Variants in ZNF592 observed in about 807,000 individuals in gnomAD.
The protein encoded by ZNF592 is zinc finger protein 592.
A neutral mutation model predicts 80.3 loss-of-function variants in ZNF592; 11 were observed. The ratio of observed to expected loss-of-function variants is 0.14; its 90% CI spans 0.09 to 0.23. The LOEUF is 0.23. Among genes scored for constraint, ZNF592 ranks in the 10% least tolerant of loss-of-function variants. ZNF592 has a pLI of 1.00. For missense variants in ZNF592, 1,420 were observed against 1,633.9 expected, an observed-to-expected ratio of 0.87 and a Z score of 2.26; for synonymous variants, 646 against 640.3, an observed-to-expected ratio of 1.01 and a Z score of -0.13.
chr15:84,761,663 C>T (rs1445948783), intron 1 of ZNF592, among the ~76,000 whole-genome samples: 1 of 152,188 alleles, frequency 6.6e-6, no homozygotes, highest in Non-Finnish European at 1.5e-5. Context: ...TCCCAGATGG[C>T]ACCTTCACCT....
Position 84,797,945 on chromosome 15 carries a change from T to C in ZNF592, c.2476T>C (p.Phe826Leu), listed in dbSNP as rs551480917. 7.4e-6 allele frequency: 12 copies of C among 1,614,212 alleles called. No homozygotes were observed. In the South Asian group the frequency reaches 1.3e-4, roughly 18 times the overall value. The change falls in exon 6 of 11, where the codon TTC becomes CTC. Residue 826 changes from phenylalanine to leucine, a missense_variant. This residue lies in a region of ZNF592 where 13 missense variants were observed against 42.3 expected (regional missense o/e 0.31). Transcript: ENST00000560079. Reference sequence around the variant, plus strand: ...CATCCAGGAGCGACACTGCCAGGTTTTCCACAAATGTGCATTCTGCCCCAT... The same window carrying C: ...CATCCAGGAGCGACACTGCCAGGTTCTCCACAAATGTGCATTCTGCCCCAT... Reference protein sequence around the residue: ...SHIQERHCQVFHKCAFCPMAF... With the variant: ...SHIQERHCQVLHKCAFCPMAF...
intron 4 of ZNF592, among the ~76,000 whole-genome samples, chr15:84,788,512 T>C (rs1216540362): frequency 3.3e-5 from 5 of 152,246 alleles, no homozygotes; most frequent in Admixed American, 1.3e-4. Context: ...GTTGATACCC[T>C]GACAATCTCA....
Position 84,798,869 on chromosome 15 carries a change from C to T in ZNF592, c.3018C>T (p.His1006=), listed in dbSNP as rs763002770. 11 of 1,598,086 alleles carry T rather than the reference C, an allele frequency of 6.9e-6. No individual in the cohort carries two copies. Among genetic ancestry groups the T allele is most frequent in the East Asian group, 4.5e-5 (2 of 44,860 alleles). ...ACGTGTCCCACATGAAAAAGAGCCA[C>T]GGTCGGGTAAGTGCAGCCACACAGT... ...ESYVSHMKKS[H]GRTLKRYPCR... Residue 1006 remains histidine (H), a synonymous_variant, in exon 8 of 11, where the codon CAC becomes CAT. Coordinates refer to ENST00000560079, the MANE Select transcript of ZNF592 (RefSeq NM_014630.3). The surrounding 1 kb of genome is among the most constrained non-coding windows in gnomAD (Gnocchi z 4.5).
Position 84,805,686 on chromosome 15 carries a change from C to G in ZNF592, c.*3293C>G, listed in dbSNP as rs1963219360. On this transcript the variant is annotated 3_prime_UTR_variant, in exon 11 of 11. Coordinates refer to ENST00000560079, the MANE Select transcript of ZNF592 (RefSeq NM_014630.3). ...TGCCTTCCCCAAGACTGGGGAACCT[C>G]TGTCCTGTTCACCACTGTATATTCA... 1 of 152,612 alleles carries G rather than the reference C, an allele frequency of 6.6e-6. No individual in the cohort carries two copies. The highest frequency in any genetic ancestry group is 1.5e-5 in the Non-Finnish European group (1 of 68,048). The allele number at this position is 152,612 out of a possible 1,614,324, so 9.5% of individuals were successfully genotyped here. A position where few individuals can be genotyped will look rare whatever the true frequency, so the allele number is the denominator to read the frequency against.
intron 1 of ZNF592, among the ~76,000 whole-genome samples, chr15:84,759,038 C>T (rs930598194): frequency 1.3e-5 from 2 of 152,140 alleles, no homozygotes; most frequent in African/African-American, 4.8e-5. Context: ...TTATGGTCTC[C>T]CTATGCCCTT....
chr15:84,776,930 T>C (rs1203366143), intron 2 of ZNF592, among the ~76,000 whole-genome samples: 1 of 151,910 alleles, frequency 6.6e-6, no homozygotes, highest in Non-Finnish European at 1.5e-5. Flanking sequence ...TGCGTGCCTA[T>C]AATCCCAGCT....
chr15:84,801,415 G>C (rs1458915987), intron 10 of ZNF592, among the ~76,000 whole-genome samples: 1 of 152,164 alleles, frequency 6.6e-6, no homozygotes, highest in African/African-American at 2.4e-5. Context: ...TGGGAGGATC[G>C]CTTAAGCCCG....
intron 1 of ZNF592, among the ~76,000 whole-genome samples, chr15:84,752,332 A>C (rs764555554): frequency 4.6e-5 from 7 of 152,208 alleles, no homozygotes; most frequent in Non-Finnish European, 8.8e-5. Context: ...TGGAGCTCAG[A>C]TATTTTAAAG....
chr15:84,779,949 T>C (rs1330389753), intron 3 of ZNF592, among the ~76,000 whole-genome samples: 1 of 151,778 alleles, frequency 6.6e-6, no homozygotes, highest in East Asian at 1.9e-4. Context: ...GAAAATCTAT[T>C]CTGCCCTTTC....
chr15:84,748,736 A>T (rs1247826729), intron 1 of ZNF592, 72 bp downstream of exon 1: 1 of 147,116 alleles, frequency 6.8e-6, no homozygotes, highest in Non-Finnish European at 1.5e-5. Flanking sequence ...GCCCGGGAGG[A>T]TCGCAGCCGG....
chr15:84,793,605 C>G (rs913833581), intron 5 of ZNF592, among the ~76,000 whole-genome samples: 1 of 152,196 alleles, frequency 6.6e-6, no homozygotes, highest in African/African-American at 2.4e-5. Flanking sequence ...CACAACACTA[C>G]AGTGTTCATA....
intron 10 of ZNF592, among the ~76,000 whole-genome samples, chr15:84,800,382 T>C (rs887276620): frequency 6.6e-6 from 1 of 152,198 alleles, no homozygotes. Flanking sequence ...TCACTAGTTA[T>C]AGGAAGAGCC....
At chr15:84,753,170 G>A (rs1301995630) in intron 1 of ZNF592, 1 of 152,200 alleles carries the variant, frequency 6.6e-6, no homozygotes, top group African/African-American at 2.4e-5. Flanking sequence ...GGAATGGGAC[G>A]AGTAATAGAA....
At chr15:84,766,572 G>A (rs1414882753) in intron 2 of ZNF592, among the ~76,000 whole-genome samples, 1 of 152,010 alleles carries the variant, frequency 6.6e-6, no homozygotes, top group East Asian at 1.9e-4. Context: ...AGGAAGAGAG[G>A]CATGAGGGAG....
At position 84,784,249 on chromosome 15, in the gene ZNF592, T is replaced by C; in HGVS notation, c.1574T>C (p.Val525Ala). 6.2e-7 allele frequency: 1 copy of C among 1,614,238 alleles called. No individual in the cohort carries two copies. The highest frequency in any genetic ancestry group is 8.5e-7 in the Non-Finnish European group (1 of 1,180,038). The change falls in exon 4 of 11, where the codon GTG (valine) becomes GCG (alanine). Residue 525 changes from valine to alanine, a missense_variant. This residue lies in a region of ZNF592 where 524 missense variants were observed against 628.3 expected (regional missense o/e 0.83). Coordinates refer to ENST00000560079, the MANE Select transcript of ZNF592 (RefSeq NM_014630.3). This position sits in a 1 kb window ranked among gnomAD's most constrained non-coding sequence, Gnocchi z 5.8. ...VAASVTAKSS[V>A]QRRSQPQLTQ... ...GCATCAGTGACAGCCAAGTCTTCAGTGCAAAGACGGAGCCAGCCACAGCTT... is the reference window on the plus strand; with the variant it reads ...GCATCAGTGACAGCCAAGTCTTCAGCGCAAAGACGGAGCCAGCCACAGCTT...
chr15:84,757,201 C>T (rs1276626978), intron 1 of ZNF592, among the ~76,000 whole-genome samples: 2 of 152,144 alleles, frequency 1.3e-5, no homozygotes, highest in African/African-American at 4.8e-5. Context: ...AATAATCCTT[C>T]CACCTTAGCT....
intron 2 of ZNF592, among the ~76,000 whole-genome samples, chr15:84,767,661 C>T (rs1238784759): frequency 6.6e-6 from 1 of 151,966 alleles, no homozygotes; most frequent in Non-Finnish European, 1.5e-5. Context: ...GTGCTTGCTG[C>T]CTATGCCTAG....
In ZNF592 at chr15:84,783,854, G is replaced by A. The variant is rs1257257495; in HGVS notation, c.1179G>A (p.Arg393=). The change falls in exon 4 of 11, where the codon AGG becomes AGA. Residue 393 remains arginine (R), a synonymous_variant. Transcript: ENST00000560079. This position sits in a 1 kb window ranked among gnomAD's most constrained non-coding sequence, Gnocchi z 5.0. ...GGGAAATCAAACGGACTGTCACAAG[G>A]ATCCTGCCAGATCCTGATGATCCAA... The part of the protein sequence containing the change: ...SSGEIKRTVT[R]ILPDPDDPSK... 6.2e-7 allele frequency: 1 copy of A among 1,614,088 alleles called. No individual in the cohort carries two copies. The highest frequency in any genetic ancestry group is 8.5e-7 in the Non-Finnish European group (1 of 1,180,046).
In ZNF592 at chr15:84,805,203, C is replaced by T. The variant is rs1963208094; in HGVS notation, c.*2810C>T. ...GAAACGTGGTATCTCTACAACCTTT[C>T]ATTCTCATTGGGATTTACCTTGCCA... On this transcript the variant is annotated 3_prime_UTR_variant, in exon 11 of 11. Transcript: ENST00000560079. The T allele has an allele frequency of 6.6e-6, 1 of 152,214 alleles. No individual in the cohort carries two copies. Among genetic ancestry groups the T allele is most frequent in the Non-Finnish European group, 1.5e-5 (1 of 68,042 alleles). The allele number at this position is 152,214 out of a possible 1,614,324, so 9.4% of individuals were successfully genotyped here. A position where few individuals can be genotyped will look rare whatever the true frequency, so the allele number is the denominator to read the frequency against.
Sources: gnomAD v4.1 joint callset for allele counts (sites outside exome capture counted in the v4.1 genomes callset) on GRCh38, gnomAD v4.1.1 for gene constraint, gnomAD v4.1.1 regional missense constraint, Gnocchi (gnomAD v3.1) non-coding constraint, MANE v1.5 for transcripts, NCBI Gene and HGNC (gene_info 2026-07-23, HGNC 2026-07-21) for gene names.